NSMCE1: variants seen among roughly 807,000 people sequenced by gnomAD.
NSMCE1 encodes the protein NSE1 component of SMC5/6 complex, also known as non-structural maintenance of chromosomes element 1 homolog.
A neutral mutation model predicts 29.6 loss-of-function variants in NSMCE1; 18 were observed. The ratio of observed to expected loss-of-function variants is 0.61; its 90% CI spans 0.42 to 0.90. NSMCE1 has a LOEUF of 0.90. NSMCE1 is among the 40% of genes least tolerant of loss of function. The probability of loss-of-function intolerance (pLI) is 0.00; values close to 1 mark genes in which losing one functional copy is unlikely to be tolerated. For missense variants in NSMCE1, 314 were observed against 343.6 expected (o/e 0.91, Z 0.68); for synonymous variants, 124 against 133.4 (o/e 0.93, Z 0.49).
intron 1 of NSMCE1, among the ~76,000 whole-genome samples, chr16:27,261,212 T>C (rs1052522034): frequency 1.5e-5 from 2 of 133,498 alleles, no homozygotes; most frequent in Non-Finnish European, 3.3e-5. Flanking sequence ...ACAAATTAAA[T>C]CCAAAGAAAG....
chr16:27,237,343 C>T (rs545935851), intron 2 of NSMCE1, among the ~76,000 whole-genome samples: 1 of 152,338 alleles, frequency 6.6e-6, no homozygotes, highest in African/African-American at 2.4e-5. Context: ...CCTCTCCCTC[C>T]ACTGCGGCAG....
intron 2 of NSMCE1, among the ~76,000 whole-genome samples, chr16:27,251,191 A>ATATATATATATATATAT (rs1555477411): frequency 6.2e-5 from 2 of 32,330 alleles, no homozygotes; most frequent in Non-Finnish European, 1.1e-4. Context: ...TATATATATA[A>ATATATATATATATATAT]ATATATATAT....
chr16:27,229,337 C>T (rs1260043138), intron 5 of NSMCE1, among the ~76,000 whole-genome samples: 1 of 152,228 alleles, frequency 6.6e-6, no homozygotes, highest in African/African-American at 2.4e-5. Flanking sequence ...ACCAGGACTG[C>T]AGTGAGATGA....
chr16:27,267,188 T>C (rs1433255037), intron 1 of NSMCE1, among the ~76,000 whole-genome samples: 3 of 152,058 alleles, frequency 2.0e-5, no homozygotes, highest in Non-Finnish European at 4.4e-5. Context: ...GAAATACATC[T>C]ATACGTTTAA....
intron 6 of NSMCE1, 46 bp downstream of exon 6, chr16:27,226,674 A>C (rs1331281234): frequency 1.6e-6 from 2 of 1,246,836 alleles, no homozygotes; most frequent in Admixed American, 3.4e-5. Flanking sequence ...GAGCCCCGGG[A>C]GCCGAGGGCC....
chr16:27,267,729 T>C (rs1187517056), intron 1 of NSMCE1, among the ~76,000 whole-genome samples: 1 of 145,784 alleles, frequency 6.9e-6, no homozygotes, highest in Non-Finnish European at 1.5e-5. Context: ...AGTGTAAATA[T>C]ATGCATTTTT....
intron 2 of NSMCE1, among the ~76,000 whole-genome samples, chr16:27,251,880 C>G (rs1469737981): frequency 1.3e-5 from 2 of 152,166 alleles, no homozygotes; most frequent in East Asian, 3.9e-4. Context: ...ACCTCTGGTC[C>G]ACCTTATACT....
Position 27,226,771 on chromosome 16 carries a change from C to G in NSMCE1, c.549G>C (p.Thr183=). The G allele has an allele frequency of 6.2e-7, 1 of 1,613,890 alleles. No homozygotes were observed. Among genetic ancestry groups the G allele is most frequent in the East Asian group, 2.2e-5 (1 of 44,876 alleles). ...TGCAGATCTTCACCGCGTCGGGGTA[C>G]GTCTCCCGGATGTATTGCTCCATCT... ...ILEMEQYIRE[T]YPDAVKICNI... is the part of the protein sequence containing the mutation. The change falls in exon 6 of 8, where the codon ACG becomes ACC. Residue 183 remains threonine (T), a synonymous_variant. Transcript: ENST00000361439.
In NSMCE1 at chr16:27,232,656, G is replaced by A. The variant is rs1282687384; in HGVS notation, c.483+345C>T. ...GTCACCTGGCTCAGGGTTCAGACCC[G>A]GGTTAGATGTTAGAGCCACACTCTC... On this transcript the variant is annotated intron_variant, in intron 5 of 7. Coordinates refer to ENST00000361439, the MANE Select transcript of NSMCE1 (RefSeq NM_145080.4). This position sits in a 1 kb window ranked among gnomAD's most constrained non-coding sequence, Gnocchi z 4.5. Among the ~76,000 whole-genome samples, 3 of 152,226 alleles carry A rather than the reference G, an allele frequency of 2.0e-5. No individual in the cohort carries two copies. The highest frequency in any genetic ancestry group is 2.9e-5 in the Non-Finnish European group (2 of 68,054).
rs1555477375 is a variant in NSMCE1, at chr16:27,251,167, T to TAA, written c.136+6267_136+6268insTT. 2.2e-3 allele frequency among the ~76,000 whole-genome samples: 139 copies of TAA among 63,764 alleles called. 2 individuals carry two copies. Among genetic ancestry groups the TAA allele is most frequent in the Non-Finnish European group, 2.9e-3 (119 of 41,702 alleles). 41.8% of individuals were successfully genotyped at this position (63,764 alleles called of 152,430 possible). A position where few individuals can be genotyped will look rare whatever the true frequency, so the allele number is the denominator to read the frequency against. On this transcript the variant is annotated intron_variant, in intron 2 of 7. Transcript: ENST00000361439. ...TAATTTTAATTATTTAAAATATATA[T>TAA]ATATATATATATATATATATATAAA...
rs377634453 is a variant in NSMCE1 at position 27,234,284 on chromosome 16, C to A, written c.259-19G>T. The A allele has an allele frequency of 3.0e-4, 474 of 1,565,780 alleles. No homozygotes were observed. The African/African-American group carries it at 5.6e-3, about 19-fold the overall frequency. ...GATTCACCTAAGAAATAAGTCAGCA[C>A]GACAGTCAGGCTGTGCTCTTTGCGT... is the stretch of plus-strand genomic sequence containing the variant. On this transcript the variant is annotated intron_variant, in intron 3 of 7. Transcript: ENST00000361439.
chr16:27,231,891 G>A (rs2083766364), intron 5 of NSMCE1, among the ~76,000 whole-genome samples: 2 of 152,152 alleles, frequency 1.3e-5, no homozygotes, highest in Admixed American at 6.5e-5. Context: ...AGCCACTGCA[G>A]GGCAGCAGAC....
intron 7 of NSMCE1, 37 bp downstream of exon 7, chr16:27,225,689 C>T (rs1228909841): frequency 6.2e-7 from 1 of 1,612,116 alleles, no homozygotes; most frequent in South Asian, 1.1e-5. Flanking sequence ...GTCCTGCTGG[C>T]CCAGCCCCTC....
intron 1 of NSMCE1, among the ~76,000 whole-genome samples, chr16:27,261,099 A>G (rs1344870484): frequency 2.0e-5 from 3 of 148,378 alleles, no homozygotes; most frequent in Admixed American, 6.7e-5. Context: ...CATGGGAGGC[A>G]GAGGTTGCAG....
intron 2 of NSMCE1, among the ~76,000 whole-genome samples, chr16:27,238,555 T>A (rs532351452): frequency 6.6e-6 from 1 of 152,036 alleles, no homozygotes; most frequent in African/African-American, 2.4e-5. Context: ...TTTTTTTTTT[T>A]ACAATTGTCT....
chr16:27,247,700 G>A (rs1458110986), intron 2 of NSMCE1, among the ~76,000 whole-genome samples: 2 of 152,140 alleles, frequency 1.3e-5, no homozygotes, highest in Non-Finnish European at 2.9e-5. Context: ...GCCGAGGTGG[G>A]CAGATCACGA....
intron 2 of NSMCE1, among the ~76,000 whole-genome samples, chr16:27,252,824 C>T (rs1596691837): frequency 6.6e-6 from 1 of 152,102 alleles, no homozygotes. Flanking sequence ...GCGGCTGAGG[C>T]AGGAGAATCG....
At chr16:27,239,462 A>G (rs893504708) in intron 2 of NSMCE1, among the ~76,000 whole-genome samples, 4 of 152,258 alleles carry the variant, frequency 2.6e-5, no homozygotes, top group African/African-American at 7.2e-5. Flanking sequence ...AGTGCGGAAT[A>G]AAGTCCGTAT....
At chr16:27,253,688 T>C (rs968737321) in intron 2 of NSMCE1, among the ~76,000 whole-genome samples, 1 of 152,140 alleles carries the variant, frequency 6.6e-6, no homozygotes, top group Non-Finnish European at 1.5e-5. Flanking sequence ...ATGAGAGCCA[T>C]GGTAAAATAA....
Sources: gnomAD v4.1 joint callset for allele counts (sites outside exome capture counted in the v4.1 genomes callset) on GRCh38, gnomAD v4.1.1 for gene constraint, Gnocchi (gnomAD v3.1) non-coding constraint, MANE v1.5 for transcripts, NCBI Gene and HGNC (gene_info 2026-07-23, HGNC 2026-07-21) for gene names.